FOXD4L4: variants seen among roughly 807,000 people sequenced by gnomAD.
The protein encoded by FOXD4L4 is forkhead box protein D4-like 4.
FOXD4L4 carries 5 observed loss-of-function variants against 24.1 expected under a neutral mutation model. That is an observed-to-expected ratio of 0.21 (90% confidence interval 0.11 to 0.44). The LOEUF is 0.44. Ranked by LOEUF, FOXD4L4 falls within the 20% of genes least tolerant of loss-of-function variation. The probability of loss-of-function intolerance (pLI) is 0.99; values close to 1 mark genes in which losing one functional copy is unlikely to be tolerated. For missense variants in FOXD4L4, 128 were observed against 617.5 expected, an observed-to-expected ratio of 0.21 and a Z score of 8.40; for synonymous variants, 71 against 276.2, an observed-to-expected ratio of 0.26 and a Z score of 7.37.
rs1451450180 is a variant in FOXD4L4 at position 65,737,380 on chromosome 9, G to A, written c.235G>A (p.Gly79Ser). The change falls in exon 1 of 1, where the codon GGC (glycine) becomes AGC (serine). Residue 79 changes from glycine (G) to serine (S), a missense_variant. Coordinates refer to ENST00000377413, the Ensembl canonical transcript of FOXD4L4. ...CCGAGAGCACATCGAGGGCGGCGGCGGCCCGAGTGACCCTTCAGAGTTTGG... is the reference window on the plus strand; with the variant it reads ...CCGAGAGCACATCGAGGGCGGCGGCAGCCCGAGTGACCCTTCAGAGTTTGG... 51 of 1,609,548 alleles carry A rather than the reference G, an allele frequency of 3.2e-5. 3 individuals are homozygous for A. The Admixed American group carries it at 6.5e-4, about 21-fold the overall frequency.
exon 1 of FOXD4L4, chr9:65,738,104 C>T (rs1832997531): frequency 6.2e-7 from 1 of 1,604,360 alleles, no homozygotes; most frequent in Non-Finnish European, 8.5e-7. Context: ...CACCGGGAGG[C>T]GGATGCTTCT....
At chr9:65,738,011 A>G (rs1468297623) in exon 1 of FOXD4L4, 1 of 1,604,738 alleles carries the variant, frequency 6.2e-7, no homozygotes, top group Admixed American at 1.7e-5. Flanking sequence ...GAAGGCGCGG[A>G]CCTGGCGACC....
chr9:65,737,942 A>G, exon 1 of FOXD4L4: 6 of 1,602,708 alleles, frequency 3.7e-6, no homozygotes, highest in Non-Finnish European at 5.1e-6. Context: ...CTGCACCCGC[A>G]TCCTCTTCGC....
At chr9:65,737,313 G>A (rs1832978990) in exon 1 of FOXD4L4, 2 of 1,612,454 alleles carry the variant, frequency 1.2e-6, no homozygotes, top group Non-Finnish European at 8.5e-7. Flanking sequence ...AGTCGCTCCA[G>A]CCGGGGCTGC....
chr9:65,737,945 C>T, exon 1 of FOXD4L4: 3 of 1,602,838 alleles, frequency 1.9e-6, no homozygotes, highest in Admixed American at 1.7e-5. Flanking sequence ...CACCCGCATC[C>T]TCTTCGCTAC....
At chr9:65,738,145 T>A (rs1832998331) in exon 1 of FOXD4L4, 1 of 1,601,786 alleles carries the variant, frequency 6.2e-7, no homozygotes, top group African/African-American at 1.4e-5. Flanking sequence ...ATGCAAGGGG[T>A]CAGGGGAGCG....
rs1369796450 is a variant in FOXD4L4 at position 65,737,356 on chromosome 9, C to G, written c.211C>G (p.Arg71Gly). 28 of 1,612,152 alleles carry G rather than the reference C, an allele frequency of 1.7e-5. No individual in the cohort carries two copies. In the East Asian group the frequency reaches 4.5e-4, roughly 26 times the overall value. Residue 71 changes from arginine (R) to glycine (G), a missense_variant, in exon 1 of 1, where the codon CGA becomes GGA. Arg to Gly is a moderately radical substitution (Grantham distance 125). Coordinates refer to ENST00000377413, the Ensembl canonical transcript of FOXD4L4. ...CCGGTGGGGCGGGGTTGCGCTTCCC[C>G]GAGAGCACATCGAGGGCGGCGGCGG...
At chr9:65,738,027 A>G in exon 1 of FOXD4L4, 6 of 1,606,732 alleles carry the variant, frequency 3.7e-6, no homozygotes, top group Admixed American at 1.7e-5. Flanking sequence ...CGACCCCGGC[A>G]CCCTTCCCGT....
chr9:65,737,410 A>C, exon 1 of FOXD4L4: 2 of 1,608,610 alleles, frequency 1.2e-6, no homozygotes, highest in Non-Finnish European at 1.7e-6. Context: ...GTTTGGCACC[A>C]AGTTCAGGGC....
At chr9:65,737,348 C>A in exon 1 of FOXD4L4, 1 of 1,612,288 alleles carries the variant, frequency 6.2e-7, no homozygotes, top group South Asian at 1.1e-5. Flanking sequence ...GGCGGGGTTG[C>A]GCTTCCCCGA....
Position 65,738,360 on chromosome 9 carries a change from C to T in FOXD4L4, c.1215C>T (p.Cys405=). The stretch of plus-strand genomic sequence containing the variant: ...CTGCGCTCCCACCAAGGGCGCGGTG[C>T]TGGGCGGGCACCTGTCGGCCTCGTC... The change falls in exon 1 of 1, where the codon TGC becomes TGT. Residue 405 remains cysteine (C), a synonymous_variant. Transcript: ENST00000377413. 19 of 963,550 alleles carry T rather than the reference C, an allele frequency of 2.0e-5. 1 individual carries two copies. In the South Asian group the frequency reaches 3.4e-4, roughly 17 times the overall value. 59.7% of individuals were successfully genotyped at this position (963,550 alleles called of 1,614,324 possible).
In FOXD4L4 at chr9:65,737,967, G is replaced by T. The variant is rs1252134351; in HGVS notation, c.822G>T (p.Ser274=). The T allele has an allele frequency of 3.1e-5, 50 of 1,600,956 alleles. No individual in the cohort carries two copies. In the East Asian group the frequency reaches 1.1e-3, roughly 36 times the overall value. Reference sequence around the variant, plus strand: ...ATCCTCTTCGCTACCTACTGCTCTCGGCCCGCGTCTATGCCGGGGCACCGA... The same window carrying T: ...ATCCTCTTCGCTACCTACTGCTCTCTGCCCGCGTCTATGCCGGGGCACCGA... Residue 274 remains serine (S), a synonymous_variant, in exon 1 of 1, where the codon TCG becomes TCT. Coordinates refer to ENST00000377413, the Ensembl canonical transcript of FOXD4L4.
chr9:65,738,052 T>C, exon 1 of FOXD4L4: 1 of 1,607,272 alleles, frequency 6.2e-7, no homozygotes, highest in African/African-American at 1.4e-5. Flanking sequence ...CAGCCCTCAC[T>C]TGGTCCTCAG....
exon 1 of FOXD4L4, chr9:65,737,989 C>A: frequency 1.2e-6 from 2 of 1,603,454 alleles, no homozygotes; most frequent in South Asian, 1.1e-5. Flanking sequence ...TGCCGGGGCA[C>A]CGAAGAAAGC....
At chr9:65,737,438 C>A in exon 1 of FOXD4L4, 2 of 1,610,080 alleles carry the variant, frequency 1.2e-6, no homozygotes, top group Admixed American at 3.3e-5. Flanking sequence ...AGGTCTGCGG[C>A]GGCCTCTGAA....
At chr9:65,738,235 A>G in exon 1 of FOXD4L4, 1 of 1,594,056 alleles carries the variant, frequency 6.3e-7, no homozygotes, top group Non-Finnish European at 8.5e-7. Context: ...AGCCTGTTGC[A>G]TCCCCAAACC....
Position 65,737,433 on chromosome 9 carries a change from T to C in FOXD4L4, c.288T>C (p.Ser96=), listed in dbSNP as rs1170204184. 6 of 1,609,702 alleles carry C rather than the reference T, an allele frequency of 3.7e-6. No individual in the cohort carries two copies. In the African/African-American group the frequency reaches 6.8e-5, roughly 18 times the overall value. The change falls in exon 1 of 1, where the codon TCT becomes TCC. Residue 96 remains serine, a synonymous_variant. Coordinates refer to ENST00000377413, the Ensembl canonical transcript of FOXD4L4. Reference sequence around the variant, plus strand: ...CCAAGTTCAGGGCACCGCCAAGGTCTGCGGCGGCCTCTGAAGATGCCCGGC... The same window carrying C: ...CCAAGTTCAGGGCACCGCCAAGGTCCGCGGCGGCCTCTGAAGATGCCCGGC...
exon 1 of FOXD4L4, chr9:65,737,872 C>T: frequency 6.2e-7 from 1 of 1,603,372 alleles, no homozygotes; most frequent in Non-Finnish European, 8.5e-7. Context: ...CCCTGCCCCG[C>T]CGCAGCCAGT....
At position 65,737,391 on chromosome 9, in the gene FOXD4L4, C is replaced by G. The variant is rs1832981033; in HGVS notation, c.246C>G (p.Asp82Glu). 5.0e-6 allele frequency: 8 copies of G among 1,608,574 alleles called. 1 individual carries two copies. The South Asian group carries it at 8.8e-5, about 18-fold the overall frequency. Reference sequence around the variant, plus strand: ...TCGAGGGCGGCGGCGGCCCGAGTGACCCTTCAGAGTTTGGCACCAAGTTCA... The same window carrying G: ...TCGAGGGCGGCGGCGGCCCGAGTGAGCCTTCAGAGTTTGGCACCAAGTTCA... The change falls in exon 1 of 1, where the codon GAC becomes GAG. Residue 82 changes from aspartate (D) to glutamate (E), a missense_variant. By Grantham distance (45) the Asp-to-Glu change is conservative (BLOSUM62 2). Transcript: ENST00000377413.
Sources: allele counts gnomAD v4.1 joint callset, GRCh38; gene constraint gnomAD v4.1.1; transcripts MANE v1.5; gene names NCBI Gene and HGNC (gene_info 2026-07-23, HGNC 2026-07-21).